ASTN2: variants seen among roughly 807,000 people sequenced by gnomAD.
ASTN2 encodes astrotactin-2.
ASTN2 carries 54 observed loss-of-function variants against 139.8 expected under a neutral mutation model. The observed-to-expected ratio is 0.39, with a 90% CI of 0.31 to 0.48. The LOEUF (loss-of-function observed/expected upper bound fraction) is 0.48, where lower values mean the gene tolerates loss of function less well. Among genes scored for constraint, ASTN2 ranks in the 20% least tolerant of loss-of-function variants. ASTN2 has a pLI of 0.95. For missense variants in ASTN2, 1,565 were observed against 1,725.1 expected, an observed-to-expected ratio of 0.91 and a Z score of 1.64; for synonymous variants, 756 against 719.5, an observed-to-expected ratio of 1.05 and a Z score of -0.81.
chr9:117,031,750 C>T (rs973820820), intron 6 of ASTN2, among the ~76,000 whole-genome samples: 1 of 151,964 alleles, frequency 6.6e-6, no homozygotes, highest in Non-Finnish European at 1.5e-5. Context: ...GGGCCTGAGG[C>T]AGGAGGCAAC....
intron 1 of ASTN2, among the ~76,000 whole-genome samples, chr9:117,397,880 T>C (rs943240928): frequency 1.3e-5 from 2 of 152,204 alleles, no homozygotes; most frequent in Non-Finnish European, 2.9e-5. Context: ...TTAGCAATCA[T>C]GTCAAATGCC....
At chr9:116,820,369 T>A (rs3818501) in intron 12 of ASTN2, among the ~76,000 whole-genome samples, 1 of 152,142 alleles carries the variant, frequency 6.6e-6, no homozygotes, top group East Asian at 1.9e-4. Flanking sequence ...GGATGAGGCC[T>A]GGGCATGGGT....
chr9:117,287,507 C>T, intron 2 of ASTN2, among the ~76,000 whole-genome samples: 1 of 152,190 alleles, frequency 6.6e-6, no homozygotes, highest in Non-Finnish European at 1.5e-5. Context: ...GGGTTTGCCA[C>T]TTAACCTTTG....
chr9:117,413,094 G>C (rs1413880299), intron 1 of ASTN2, among the ~76,000 whole-genome samples: 1 of 151,790 alleles, frequency 6.6e-6, no homozygotes, highest in Non-Finnish European at 1.5e-5. Flanking sequence ...GTGGGTACAG[G>C]GGCTCGACCC....
chr9:117,351,799 T>C (rs1293768064), intron 1 of ASTN2, among the ~76,000 whole-genome samples: 2 of 152,076 alleles, frequency 1.3e-5, no homozygotes, highest in Non-Finnish European at 2.9e-5. Flanking sequence ...AGTTCATTAA[T>C]TTGGATGGGG....
chr9:116,904,816 A>G (rs1449245301), intron 10 of ASTN2, among the ~76,000 whole-genome samples: 2 of 152,200 alleles, frequency 1.3e-5, no homozygotes, highest in Non-Finnish European at 2.9e-5. Flanking sequence ...AGGCTGCGTG[A>G]TGAACATCTC....
At chr9:117,302,323 T>A (rs1834897233) in intron 1 of ASTN2, among the ~76,000 whole-genome samples, 1 of 152,136 alleles carries the variant, frequency 6.6e-6, no homozygotes, top group South Asian at 2.1e-4. Flanking sequence ...CCCATTTTAC[T>A]AATATGTTAA....
At chr9:116,703,808 CCACCCTGCACTT>C (rs1327469917) in intron 16 of ASTN2, among the ~76,000 whole-genome samples, 2 of 152,108 alleles carry the variant, frequency 1.3e-5, no homozygotes, top group East Asian at 3.9e-4. Context: ...ACTCAGGTCT[CCACCCTGCACTT>C]GACTAGGATG....
chr9:117,113,745 G>C (rs1336113645), intron 4 of ASTN2, among the ~76,000 whole-genome samples: 1 of 152,158 alleles, frequency 6.6e-6, no homozygotes, highest in Non-Finnish European at 1.5e-5. Flanking sequence ...ATGCTGAATG[G>C]AAGATGTCAG....
intron 13 of ASTN2, among the ~76,000 whole-genome samples, chr9:116,793,677 T>C (rs777577882): frequency 1.3e-5 from 2 of 152,204 alleles, no homozygotes; most frequent in Non-Finnish European, 2.9e-5. Flanking sequence ...ATCTTAAATA[T>C]GTTTGAAAAA....
chr9:116,634,539 G>A (rs1237053941), intron 17 of ASTN2, among the ~76,000 whole-genome samples: 4 of 143,590 alleles, frequency 2.8e-5, no homozygotes, highest in Admixed American at 7.2e-5. Context: ...GCAGTGAGCC[G>A]AGATCGCGCC....
intron 20 of ASTN2, among the ~76,000 whole-genome samples, chr9:116,479,279 T>C (rs546855319): frequency 8.5e-5 from 13 of 152,068 alleles, no homozygotes; most frequent in Non-Finnish European, 1.5e-4. Context: ...ATTTTTGGCA[T>C]GAAGAAAGGA....
At chr9:117,196,258 G>C (rs1464525694) in intron 3 of ASTN2, among the ~76,000 whole-genome samples, 1 of 152,100 alleles carries the variant, frequency 6.6e-6, no homozygotes, top group Non-Finnish European at 1.5e-5. Context: ...TTATTGTGAG[G>C]TATAAATGAC....
In ASTN2 at chr9:116,725,855, C is replaced by T. The variant is rs377201499; in HGVS notation, c.2722G>A (p.Ala908Thr). The change falls in exon 16 of 23, where the codon GCC (alanine) becomes ACC (threonine). Residue 908 changes from alanine to threonine, a missense_variant. Ala to Thr is a moderately conservative substitution (Grantham distance 58). Coordinates refer to ENST00000313400, the MANE Select transcript of ASTN2 (RefSeq NM_001365068.1). ...QHYGSHYIAE[A>T]LYGSELTCII... Reference sequence around the variant, plus strand: ...CAGGTGAGCTCTGAGCCATAGAGGGCCTCTGCGATGTAGTGGGAGCCATAG... The same window carrying T: ...CAGGTGAGCTCTGAGCCATAGAGGGTCTCTGCGATGTAGTGGGAGCCATAG... 1 of 1,613,920 alleles carries T rather than the reference C, an allele frequency of 6.2e-7. No individual in the cohort carries two copies. The highest frequency in any genetic ancestry group is 1.3e-5 in the African/African-American group (1 of 74,906).
intron 16 of ASTN2, chr9:116,686,934 T>C: frequency 6.7e-7 from 1 of 1,489,670 alleles, no homozygotes; most frequent in Non-Finnish European, 8.9e-7. Flanking sequence ...TTGGCCCATT[T>C]CTCAGATGGA....
chr9:116,744,164 A>G (rs565740891), intron 13 of ASTN2, among the ~76,000 whole-genome samples: 11 of 152,240 alleles, frequency 7.2e-5, no homozygotes, highest in African/African-American at 2.6e-4. Context: ...ATAGGGGTGT[A>G]TGTGTGTGGG....
intron 6 of ASTN2, among the ~76,000 whole-genome samples, chr9:117,036,820 G>A (rs937105480): frequency 3.3e-5 from 5 of 152,166 alleles, no homozygotes; most frequent in Admixed American, 3.3e-4. Flanking sequence ...TCTGCATGGT[G>A]TGCTGTGCAT....
chr9:116,989,460 G>A (rs1836781565), intron 7 of ASTN2, among the ~76,000 whole-genome samples: 2 of 152,062 alleles, frequency 1.3e-5, no homozygotes, highest in Admixed American at 1.3e-4. Context: ...AGCTTCCCCA[G>A]GAAACAAGAG....
chr9:117,046,715 C>T (rs1294718829), intron 5 of ASTN2, among the ~76,000 whole-genome samples: 1 of 152,146 alleles, frequency 6.6e-6, no homozygotes. Flanking sequence ...TTAGTTCATC[C>T]AATAAATAGC....
Sources: gnomAD v4.1 joint callset for allele counts (sites outside exome capture counted in the v4.1 genomes callset) on GRCh38, gnomAD v4.1.1 for gene constraint, MANE v1.5 for transcripts, NCBI Gene and HGNC (gene_info 2026-07-23, HGNC 2026-07-21) for gene names.